SLC17A4: variants seen among roughly 807,000 people sequenced by gnomAD.
SLC17A4 encodes the protein solute carrier family 17 member 4, also known as probable small intestine urate exporter.
SLC17A4 carries 33 observed loss-of-function variants against 52.5 expected under a neutral mutation model. That is an observed-to-expected ratio of 0.63 (90% CI 0.48 to 0.84). The LOEUF is 0.84. SLC17A4 is among the 40% of genes least tolerant of loss of function. The pLI, the probability that SLC17A4 is intolerant of heterozygous loss-of-function variation, is 0.00. For missense variants in SLC17A4, 585 were observed against 597.1 expected (o/e 0.98, Z 0.21); for synonymous variants, 225 against 216.2 (o/e 1.04, Z -0.36).
rs76254260 is a variant in SLC17A4, at chr6:25,761,883, A to T, written c.-36-44A>T. On this transcript the variant is annotated intron_variant, in intron 1 of 11. Coordinates refer to ENST00000377905, the MANE Select transcript of SLC17A4 (RefSeq NM_005495.3). ...TTAGAAAGAATTGGGGTAATATCAT[A>T]TAAGATTCTCCCTGTATTTTCTTTT... The T allele has an allele frequency of 4.4e-4, 523 of 1,183,428 alleles. 3 individuals are homozygous for T. In the African/African-American group the frequency reaches 7.0e-3, roughly 16 times the overall value. 73.3% of individuals were successfully genotyped at this position (1,183,428 alleles called of 1,614,324 possible). A position where few individuals can be genotyped will look rare whatever the true frequency, so the allele number is the denominator to read the frequency against.
Position 25,770,201 on chromosome 6 carries a change from C to T in SLC17A4, c.432C>T (p.Gly144=), listed in dbSNP as rs755439421. Residue 144 remains glycine, a synonymous_variant, in exon 4 of 12, where the codon GGC becomes GGT. Transcript: ENST00000377905. ...IFGAKYVVGA[G]LFISSFLTLF... is the part of the protein sequence containing the mutation. Reference sequence around the variant, plus strand: ...GAGCCAAGTATGTGGTTGGTGCTGGCTTGTTTATTTCCTCATTCCTGACCC... The same window carrying T: ...GAGCCAAGTATGTGGTTGGTGCTGGTTTGTTTATTTCCTCATTCCTGACCC... 65 of 1,613,970 alleles carry T rather than the reference C, an allele frequency of 4.0e-5. No individual in the cohort carries two copies. Among genetic ancestry groups the T allele is most frequent in the Non-Finnish European group, 5.4e-5 (64 of 1,180,004 alleles).
intron 2 of SLC17A4, among the ~76,000 whole-genome samples, chr6:25,763,317 G>A (rs985199235): frequency 6.6e-6 from 1 of 152,058 alleles, no homozygotes; most frequent in African/African-American, 2.4e-5. Flanking sequence ...ATCCTGTTTT[G>A]GTAGTCTCAT....
At chr6:25,762,085 T>TAAAAC in intron 2 of SLC17A4, 32 bp downstream of exon 2, 1 of 1,580,238 alleles carries the variant, frequency 6.3e-7, no homozygotes, top group Non-Finnish European at 8.7e-7. Context: ...TGGTAGTAAA[T>TAAAAC]AAAACTAGGA....
rs1762193584 is a variant in SLC17A4 at position 25,768,343 on chromosome 6, G to C, written c.92-642G>C. On this transcript the variant is annotated intron_variant, in intron 2 of 11. Transcript: ENST00000377905. ...TCTGGGATTTCTCTACAGGGATAGT[G>C]GATGAATTCTTCCCGCTGTTGTCAA... The C allele has an allele frequency of 4.1e-6, 4 of 984,056 alleles. No individual in the cohort carries two copies. The South Asian group carries it at 1.9e-4, about 46-fold the overall frequency. The allele number at this position is 984,056 out of a possible 1,614,324, so 61.0% of individuals were successfully genotyped here. A position where few individuals can be genotyped will look rare whatever the true frequency, so the allele number is the denominator to read the frequency against.
At position 25,779,041 on chromosome 6, in the gene SLC17A4, T is replaced by A. The variant is rs1444308112; in HGVS notation, c.1360-13T>A. 6.2e-7 allele frequency: 1 copy of A among 1,613,470 alleles called. No individual in the cohort carries two copies. The highest frequency in any genetic ancestry group is 8.5e-7 in the Non-Finnish European group (1 of 1,179,576). On this transcript the variant is annotated splice_polypyrimidine_tract_variant and intron_variant, in intron 11 of 11. Transcript: ENST00000377905. ...TGGGTGACCGTTAATAACTTGTAATTTTCTGCCTCCAGGATTCAGAGTTTG... is the reference window on the plus strand; with the variant it reads ...TGGGTGACCGTTAATAACTTGTAATATTCTGCCTCCAGGATTCAGAGTTTG...
rs117911571 is a variant in SLC17A4, at chr6:25,771,415, A to G, written c.706+403A>G. Among the ~76,000 whole-genome samples, 1,311 of 152,104 alleles carry G rather than the reference A, an allele frequency of 8.6e-3. 24 individuals are homozygous for G. Among genetic ancestry groups the G allele is most frequent in the East Asian group, 0.065 (337 of 5,158 alleles). ...ATGGTTAAACCCCGTCTCTACTAAA[A>G]TTATAAAAATTAGCCGAGTGTGATG... is the stretch of plus-strand genomic sequence containing the variant. On this transcript the variant is annotated intron_variant, in intron 6 of 11. Coordinates refer to ENST00000377905, the MANE Select transcript of SLC17A4 (RefSeq NM_005495.3).
At chr6:25,755,048 T>C (rs62392735) in intron 1 of SLC17A4, among the ~76,000 whole-genome samples, 33 of 145,036 alleles carry the variant, frequency 2.3e-4, no homozygotes, top group South Asian at 4.4e-4. Flanking sequence ...CACACACACA[T>C]ACACACACAC....
chr6:25,772,704 T>C (rs1009488305), intron 6 of SLC17A4, among the ~76,000 whole-genome samples: 9 of 152,154 alleles, frequency 5.9e-5, no homozygotes, highest in African/African-American at 2.2e-4. Context: ...AAGAGATAGA[T>C]ATGGAAAGGT....
At chr6:25,769,240 T>C in intron 3 of SLC17A4, 50 bp downstream of exon 3, 1 of 1,503,182 alleles carries the variant, frequency 6.7e-7, no homozygotes, top group African/African-American at 1.4e-5. Context: ...ATAATTTGAC[T>C]TAAAGAGTTA....
chr6:25,776,479 T>C (rs1319883238), intron 8 of SLC17A4, 116 bp from the exon 9 acceptor site: 1 of 1,245,422 alleles, frequency 8.0e-7, no homozygotes, highest in Non-Finnish European at 1.1e-6. Context: ...GAATTTGTAT[T>C]AAAAGTGATG....
intron 1 of SLC17A4, among the ~76,000 whole-genome samples, chr6:25,758,043 G>A (rs762125700): frequency 1.6e-4 from 25 of 152,208 alleles, no homozygotes; most frequent in Admixed American, 9.8e-4. Context: ...CTCTGCTGCC[G>A]TGGGACGTAT....
At chr6:25,775,122 G>T (rs1248275099) in intron 8 of SLC17A4, among the ~76,000 whole-genome samples, 1 of 152,068 alleles carries the variant, frequency 6.6e-6, no homozygotes, top group South Asian at 2.1e-4. Context: ...CTGAGGTCAG[G>T]TGTTTGAGAC....
chr6:25,773,413 T>C lies in SLC17A4; in HGVS notation c.825+20T>C, dbSNP rs760908659. The C allele has an allele frequency of 1.2e-6, 2 of 1,612,582 alleles. No individual in the cohort carries two copies. The highest frequency in any genetic ancestry group is 1.7e-6 in the Non-Finnish European group (2 of 1,178,672). On this transcript the variant is annotated intron_variant, in intron 7 of 11. Coordinates refer to ENST00000377905, the MANE Select transcript of SLC17A4 (RefSeq NM_005495.3). The stretch of plus-strand genomic sequence containing the variant: ...CAGCAGGTACATTGAGGAACTCCTC[T>C]GACATTTCTCTATGTCCCTCTAGAC...
chr6:25,778,696 T>C (rs1317510), intron 11 of SLC17A4, among the ~76,000 whole-genome samples: 45,409 of 152,112 alleles, frequency 0.3, 7,755 homozygotes, highest in East Asian at 0.74. Flanking sequence ...GAATAGCAAA[T>C]GCTTAGCAAA....
intron 2 of SLC17A4, among the ~76,000 whole-genome samples, chr6:25,765,128 G>A (rs892546460): frequency 1.3e-5 from 2 of 152,124 alleles, no homozygotes; most frequent in South Asian, 4.2e-4. Context: ...AGGCTGTAGG[G>A]GTGGACTACA....
intron 1 of SLC17A4, 23 bp from the exon 2 acceptor site, chr6:25,761,904 C>G: frequency 7.2e-7 from 1 of 1,393,592 alleles, no homozygotes; most frequent in Non-Finnish European, 1.0e-6. Context: ...CCTGTATTTT[C>G]TTTTGTATTC....
intron 11 of SLC17A4, 87 bp downstream of exon 11, chr6:25,778,103 A>G (rs563661022): frequency 9.9e-4 from 945 of 957,578 alleles, no homozygotes; most frequent in Non-Finnish European, 1.4e-3. Context: ...GTATCCTAGA[A>G]GATGCTTTTA....
In SLC17A4 at chr6:25,779,005, G is replaced by A. The variant is rs374330629; in HGVS notation, c.1360-49G>A. ...GAGCCAAAGCCTTTCTGAACCAAGA[G>A]GGACAGGAATTGGGTGACCGTTAAT... On this transcript the variant is annotated intron_variant, in intron 11 of 11. Coordinates refer to ENST00000377905, the MANE Select transcript of SLC17A4 (RefSeq NM_005495.3). 2.1e-5 allele frequency: 33 copies of A among 1,604,686 alleles called. 2 individuals are homozygous for A. The highest frequency in any genetic ancestry group is 1.5e-4 in the African/African-American group (11 of 74,804).
intron 1 of SLC17A4, among the ~76,000 whole-genome samples, chr6:25,757,392 T>C (rs948108486): frequency 1.3e-5 from 2 of 152,044 alleles, no homozygotes; most frequent in African/African-American, 2.4e-5. Context: ...TGTAACTTTA[T>C]ATCTGCTTGG....
Sources: gnomAD v4.1 joint callset for allele counts (sites outside exome capture counted in the v4.1 genomes callset) on GRCh38, gnomAD v4.1.1 for gene constraint, MANE v1.5 for transcripts, NCBI Gene and HGNC (gene_info 2026-07-23, HGNC 2026-07-21) for gene names.